ANKRD31: variants seen among roughly 807,000 people sequenced by gnomAD.
ANKRD31 encodes ankyrin repeat domain-containing protein 31.
ANKRD31 carries 147 observed loss-of-function variants against 186.0 expected under a neutral mutation model. The observed-to-expected ratio is 0.79, with a 90% CI of 0.69 to 0.91. The LOEUF (loss-of-function observed/expected upper bound fraction) is 0.91. Ranked by LOEUF, ANKRD31 falls within the 40% of genes least tolerant of loss-of-function variation. The probability of loss-of-function intolerance (pLI) is 0.00; values close to 1 mark genes in which losing one functional copy is unlikely to be tolerated. For synonymous variants in ANKRD31, 673 were observed against 736.4 expected, an observed-to-expected ratio of 0.91 and a Z score of 1.39; for missense variants, 1,986 against 2,148.8, an observed-to-expected ratio of 0.92 and a Z score of 1.50.
At chr5:75,154,825 C>T (rs1014021282) in intron 11 of ANKRD31, among the ~76,000 whole-genome samples, 2 of 152,076 alleles carry the variant, frequency 1.3e-5, no homozygotes, top group Non-Finnish European at 2.9e-5. Flanking sequence ...ACCTGTGCTG[C>T]CGCTGCTCCT....
chr5:75,179,433 A>G (rs1200851172), intron 10 of ANKRD31, among the ~76,000 whole-genome samples: 1 of 152,208 alleles, frequency 6.6e-6, no homozygotes, highest in East Asian at 1.9e-4. Context: ...CACAACAAAA[A>G]AAGAGAATTT....
intron 17 of ANKRD31, among the ~76,000 whole-genome samples, chr5:75,127,814 G>A (rs1265924004): frequency 1.3e-5 from 2 of 152,100 alleles, no homozygotes; most frequent in Admixed American, 1.3e-4. Context: ...TCTCAGCAAT[G>A]TTTTGAGGTA....
At chr5:75,155,813 C>T (rs1752128574) in intron 11 of ANKRD31, among the ~76,000 whole-genome samples, 1 of 151,984 alleles carries the variant, frequency 6.6e-6, no homozygotes, top group South Asian at 2.1e-4. Flanking sequence ...TCTCTCTTAC[C>T]TTTGATATTA....
intron 23 of ANKRD31, among the ~76,000 whole-genome samples, chr5:75,084,914 T>C (rs1386780520): frequency 6.6e-6 from 1 of 152,216 alleles, no homozygotes; most frequent in Non-Finnish European, 1.5e-5. Context: ...TATATCATTA[T>C]CAGTGCAAAT....
chr5:75,099,831 T>C (rs1468015347), intron 22 of ANKRD31, among the ~76,000 whole-genome samples: 1 of 152,206 alleles, frequency 6.6e-6, no homozygotes, highest in Non-Finnish European at 1.5e-5. Context: ...TTATCAGTCT[T>C]GCTAGCGGTC....
intron 15 of ANKRD31, among the ~76,000 whole-genome samples, chr5:75,139,974 T>C (rs952638372): frequency 1.3e-5 from 2 of 152,104 alleles, no homozygotes; most frequent in Non-Finnish European, 2.9e-5. Context: ...ACCTGAAGGT[T>C]TGTTTTCTAT....
chr5:75,112,814 TGTA>T (rs1232534981), intron 19 of ANKRD31, among the ~76,000 whole-genome samples: 1 of 152,238 alleles, frequency 6.6e-6, no homozygotes, highest in Non-Finnish European at 1.5e-5. Context: ...TTTTGAATTA[TGTA>T]GTAGATCTCC....
In ANKRD31 at chr5:75,223,142, G is replaced by A. The variant is rs1757407990; in HGVS notation, c.179-784C>T. Among the ~76,000 whole-genome samples the A allele has an allele frequency of 2.6e-5, 4 of 152,142 alleles. No homozygotes were observed. In the South Asian group the frequency reaches 8.3e-4, roughly 31 times the overall value. ...CTTTTTAATAATCACCATTCTGACA[G>A]GCATGAGATGGTATCTCCTTGTGGT... On this transcript the variant is annotated intron_variant, in intron 2 of 25. Coordinates refer to ENST00000506364, the MANE Select transcript of ANKRD31 (RefSeq NM_001372053.1).
chr5:75,183,617 G>T (rs1754483433), intron 10 of ANKRD31, among the ~76,000 whole-genome samples: 1 of 151,952 alleles, frequency 6.6e-6, no homozygotes, highest in South Asian at 2.1e-4. Flanking sequence ...ATGCTAAATA[G>T]TGAACTATAC....
intron 21 of ANKRD31, 97 bp from the exon 22 acceptor site, chr5:75,105,315 A>C: frequency 7.8e-7 from 1 of 1,278,928 alleles, no homozygotes; most frequent in South Asian, 1.9e-5. Context: ...TCCAAATTTT[A>C]ATCACTTTAA....
chr5:75,206,398 C>T lies in ANKRD31; in HGVS notation c.403+13G>A. Reference sequence around the variant, plus strand: ...ACTAATTTCCTTTATATGACTCTACCATGAAAACATACCTTCAATATTTTG... The same window carrying T: ...ACTAATTTCCTTTATATGACTCTACTATGAAAACATACCTTCAATATTTTG... On this transcript the variant is annotated intron_variant, in intron 5 of 25. Coordinates refer to ENST00000506364, the MANE Select transcript of ANKRD31 (RefSeq NM_001372053.1). 1.4e-6 allele frequency: 2 copies of T among 1,429,828 alleles called. No homozygotes were observed. Among genetic ancestry groups the T allele is most frequent in the Non-Finnish European group, 9.1e-7 (1 of 1,096,888 alleles). 88.6% of individuals were successfully genotyped at this position (1,429,828 alleles called of 1,614,324 possible). A position where few individuals can be genotyped will look rare whatever the true frequency, so the allele number is the denominator to read the frequency against.
intron 17 of ANKRD31, among the ~76,000 whole-genome samples, chr5:75,135,324 G>A (rs1381925591): frequency 6.6e-6 from 1 of 152,170 alleles, no homozygotes; most frequent in Non-Finnish European, 1.5e-5. Context: ...AAAGGCTCAG[G>A]ATACTAAATC....
intron 10 of ANKRD31, among the ~76,000 whole-genome samples, chr5:75,173,223 TG>T (rs1753493260): frequency 6.6e-6 from 1 of 152,164 alleles, no homozygotes; most frequent in Admixed American, 6.5e-5. Flanking sequence ...AACTAGGTAT[TG>T]ATGGGACGTA....
intron 6 of ANKRD31, among the ~76,000 whole-genome samples, chr5:75,198,830 T>C (rs1483097041): frequency 2.0e-5 from 3 of 152,210 alleles, no homozygotes; most frequent in East Asian, 3.8e-4. Flanking sequence ...TCACAATACC[T>C]GTAAAACAGC....
chr5:75,101,660 G>A lies in ANKRD31; in HGVS notation c.5331+2568C>T, dbSNP rs188094955. The stretch of plus-strand genomic sequence containing the variant: ...CTTTTTTCTCTAAACTTCTCCTCTC[G>A]CTTCATTTCATTCATTTGATCTTCA... On this transcript the variant is annotated intron_variant, in intron 22 of 25. Coordinates refer to ENST00000506364, the MANE Select transcript of ANKRD31 (RefSeq NM_001372053.1). Among the ~76,000 whole-genome samples the A allele has an allele frequency of 2.0e-3, 309 of 151,854 alleles. 1 individual carries two copies. The highest frequency in any genetic ancestry group is 6.7e-3 in the African/African-American group (277 of 41,356).
Position 75,146,052 on chromosome 5 carries a change from C to G in ANKRD31, c.3359G>C (p.Ser1120Thr). The G allele has an allele frequency of 6.6e-7, 1 of 1,518,610 alleles. No individual in the cohort carries two copies. Among genetic ancestry groups the G allele is most frequent in the Non-Finnish European group, 8.8e-7 (1 of 1,141,270 alleles). The allele number at this position is 1,518,610 out of a possible 1,614,324, so 94.1% of individuals were successfully genotyped here. Residue 1120 changes from serine (S) to threonine (T), a missense_variant, in exon 14 of 26, where the codon AGT becomes ACT. Coordinates refer to ENST00000506364, the MANE Select transcript of ANKRD31 (RefSeq NM_001372053.1). Reference protein sequence around the residue: ...NIDSHSTDNMSKELANISKLS... With the variant: ...NIDSHSTDNMTKELANISKLS... ...TTTTGAGATGTTGGCCAATTCTTTA[C>G]TCATATTGTCAGTGGAATGAGAATC...
At chr5:75,079,872 G>A (rs1252777395) in intron 25 of ANKRD31, among the ~76,000 whole-genome samples, 4 of 152,112 alleles carry the variant, frequency 2.6e-5, no homozygotes, top group African/African-American at 7.2e-5. Flanking sequence ...TGAGGCTGAG[G>A]TGGGCAGATC....
chr5:75,220,042 A>G (rs1430430926), intron 3 of ANKRD31, among the ~76,000 whole-genome samples: 2 of 152,234 alleles, frequency 1.3e-5, no homozygotes, highest in African/African-American at 4.8e-5. Context: ...AAACCCTGAA[A>G]GATAACCTAG....
At chr5:75,234,867 G>T in intron 1 of ANKRD31, among the ~76,000 whole-genome samples, 1 of 150,384 alleles carries the variant, frequency 6.6e-6, no homozygotes. Context: ...TGATTCATAT[G>T]GAATTTTTTT....
Sources: allele counts gnomAD v4.1 joint callset (sites outside exome capture counted in the v4.1 genomes callset), GRCh38; gene constraint gnomAD v4.1.1; transcripts MANE v1.5; gene names NCBI Gene and HGNC (gene_info 2026-07-23, HGNC 2026-07-21).